NBEA: variants seen among roughly 807,000 people sequenced by gnomAD.
NBEA encodes the protein neurobeachin, also known as lysosomal-trafficking regulator 2.
NBEA carries 44 observed loss-of-function variants against 343.4 expected under a neutral mutation model. That is an observed-to-expected ratio of 0.13 (90% confidence interval 0.10 to 0.16). The LOEUF (loss-of-function observed/expected upper bound fraction) is 0.16. Among genes scored for constraint, NBEA ranks in the 10% least tolerant of loss-of-function variants. The pLI is 1.00. For missense variants in NBEA, 2,555 were observed against 3,631.3 expected, an observed-to-expected ratio of 0.70 and a Z score of 7.62; for synonymous variants, 1,175 against 1,238.7, an observed-to-expected ratio of 0.95 and a Z score of 1.08.
chr13:35,051,651 A>G (rs1311480681), intron 6 of NBEA, among the ~76,000 whole-genome samples: 2 of 152,000 alleles, frequency 1.3e-5, no homozygotes, highest in South Asian at 2.1e-4. Context: ...TTTTTAATAC[A>G]AATTGATTAT....
chr13:35,071,848 A>G (rs1279837807), intron 10 of NBEA, among the ~76,000 whole-genome samples: 5 of 152,072 alleles, frequency 3.3e-5, no homozygotes, highest in African/African-American at 4.8e-5. Context: ...GAACATCTTT[A>G]TGTAAAGTAT....
At chr13:35,116,369 C>T (rs1442625394) in intron 13 of NBEA, among the ~76,000 whole-genome samples, 1 of 151,804 alleles carries the variant, frequency 6.6e-6, no homozygotes, top group Admixed American at 6.6e-5. Flanking sequence ...TTAAGTTGTT[C>T]ATGTATGTTT....
At chr13:35,456,040 A>C (rs1221335611) in intron 40 of NBEA, among the ~76,000 whole-genome samples, 1 of 152,042 alleles carries the variant, frequency 6.6e-6, no homozygotes, top group African/African-American at 2.4e-5. Context: ...ATGTATAATA[A>C]TTAATTTTAG....
At chr13:35,099,112 A>G (rs2065492102) in intron 11 of NBEA, among the ~76,000 whole-genome samples, 1 of 140,086 alleles carries the variant, frequency 7.1e-6, no homozygotes, top group Non-Finnish European at 1.5e-5. Flanking sequence ...TGCAACCCCC[A>G]TCTCCTGAGT....
intron 34 of NBEA, among the ~76,000 whole-genome samples, chr13:35,241,348 A>G (rs2030237900): frequency 6.6e-6 from 1 of 151,848 alleles, no homozygotes; most frequent in African/African-American, 2.4e-5. Context: ...GTGGATCTAG[A>G]TCAATTGGAT....
At chr13:35,512,849 C>A (rs560444381) in intron 41 of NBEA, among the ~76,000 whole-genome samples, 21 of 152,312 alleles carry the variant, frequency 1.4e-4, no homozygotes, top group South Asian at 1.2e-3. Flanking sequence ...CGACCTCCTT[C>A]CACAAAAACT....
intron 11 of NBEA, among the ~76,000 whole-genome samples, chr13:35,103,168 T>A (rs2065737095): frequency 1.3e-5 from 2 of 151,916 alleles, no homozygotes; most frequent in African/African-American, 2.4e-5. Context: ...TTACATGGAT[T>A]ATTTTTCAGA....
chr13:35,161,798 G>A lies in NBEA; in HGVS notation c.3910G>A (p.Asp1304Asn). 6.2e-7 allele frequency: 1 copy of A among 1,612,374 alleles called. No individual in the cohort carries two copies. The highest frequency in any genetic ancestry group is 8.5e-7 in the Non-Finnish European group (1 of 1,179,264). The change falls in exon 23 of 59, where the codon GAT (aspartate) becomes AAT (asparagine). Residue 1304 changes from aspartate to asparagine, a missense_variant. By Grantham distance (23) the Asp-to-Asn change is conservative. Around this residue, in one of 21 missense-constraint regions of NBEA, gnomAD observed 367 missense variants for 377.5 expected, o/e 0.97. Coordinates refer to ENST00000379939, the MANE Select transcript of NBEA (RefSeq NM_001385012.1). ...CCAACAAGACCGAGATCTCCGAGTTGATTTAGGATTTCGAGGAATGCCAAT... is the reference window on the plus strand; with the variant it reads ...CCAACAAGACCGAGATCTCCGAGTTAATTTAGGATTTCGAGGAATGCCAAT... ...ITQQDRDLRV[D>N]LGFRGMPMTE... is the part of the protein sequence containing the mutation.
intron 38 of NBEA, among the ~76,000 whole-genome samples, chr13:35,391,587 G>A (rs1052654842): frequency 6.6e-6 from 1 of 152,068 alleles, no homozygotes; most frequent in Non-Finnish European, 1.5e-5. Context: ...TTAAAAGAAT[G>A]TTATACATGT....
chr13:35,357,811 C>T (rs533150350), intron 38 of NBEA, among the ~76,000 whole-genome samples: 37 of 152,074 alleles, frequency 2.4e-4, no homozygotes, highest in African/African-American at 8.7e-4. Context: ...AATTGAGTTA[C>T]GTTACTATGA....
At chr13:35,194,697 C>T (rs905452096) in intron 30 of NBEA, among the ~76,000 whole-genome samples, 22 of 152,028 alleles carry the variant, frequency 1.4e-4, no homozygotes, top group African/African-American at 4.8e-4. Flanking sequence ...AGATGAGATA[C>T]ACTTTTCAAG....
At chr13:35,416,060 C>T (rs187241491) in intron 38 of NBEA, among the ~76,000 whole-genome samples, 1 of 152,218 alleles carries the variant, frequency 6.6e-6, no homozygotes, top group East Asian at 1.9e-4. Flanking sequence ...TATAGGAATG[C>T]TTGTGATTTT....
intron 45 of NBEA, among the ~76,000 whole-genome samples, chr13:35,567,828 C>G (rs1387026136): frequency 6.6e-6 from 1 of 152,160 alleles, no homozygotes; most frequent in Non-Finnish European, 1.5e-5. Flanking sequence ...ACAAGAGCAG[C>G]ATAAGCCCTG....
intron 1 of NBEA, among the ~76,000 whole-genome samples, chr13:35,021,478 C>T (rs1411176101): frequency 6.6e-6 from 1 of 152,150 alleles, no homozygotes; most frequent in Non-Finnish European, 1.5e-5. Context: ...AATATTGCCA[C>T]AATTCTGGCA....
chr13:35,352,133 T>G (rs576264118), intron 37 of NBEA, 24 bp from the exon 38 acceptor site: 5 of 1,369,150 alleles, frequency 3.7e-6, no homozygotes, highest in Non-Finnish European at 4.8e-6. Context: ...TTTATTATTA[T>G]GCATCATTTG....
chr13:35,292,509 A>G (rs1442722880), intron 35 of NBEA, among the ~76,000 whole-genome samples: 1 of 151,990 alleles, frequency 6.6e-6, no homozygotes, highest in Non-Finnish European at 1.5e-5. Flanking sequence ...TCCCTGTAGA[A>G]TTAGTACAGT....
chr13:35,122,464 G>A (rs1186123708), intron 16 of NBEA, among the ~76,000 whole-genome samples: 3 of 150,768 alleles, frequency 2.0e-5, no homozygotes, highest in Non-Finnish European at 2.9e-5. Flanking sequence ...GCAAACTACC[G>A]CTAGGACAAA....
intron 38 of NBEA, among the ~76,000 whole-genome samples, chr13:35,394,813 GT>G (rs1277646872): frequency 6.6e-6 from 1 of 151,410 alleles, no homozygotes; most frequent in African/African-American, 2.4e-5. Flanking sequence ...GTTTTGTTTT[GT>G]TTTTTTCTAA....
At chr13:35,628,590 T>C (rs1451847774) in intron 49 of NBEA, among the ~76,000 whole-genome samples, 5 of 152,330 alleles carry the variant, frequency 3.3e-5, no homozygotes. Flanking sequence ...ATTAACATAA[T>C]CTGCCACTGT....
Sources: allele counts gnomAD v4.1 joint callset (sites outside exome capture counted in the v4.1 genomes callset), GRCh38; gene constraint gnomAD v4.1.1; regional missense constraint gnomAD v4.1.1; transcripts MANE v1.5; gene names NCBI Gene and HGNC (gene_info 2026-07-23, HGNC 2026-07-21).